The following ASIC2 variants were observed in gnomAD, a reference collection of about 807,000 sequenced individuals.
ASIC2 encodes the protein acid-sensing ion channel 2.
Under a neutral mutation model 57.3 loss-of-function variants are expected in ASIC2, and 25 were observed. The observed-to-expected ratio is 0.44, with a 90% CI of 0.32 to 0.61. The LOEUF is 0.61. ASIC2 is among the 20% of genes least tolerant of loss of function. The pLI is 0.06. For synonymous variants in ASIC2, 319 were observed against 307.5 expected (o/e 1.04, Z -0.39); for missense variants, 641 against 738.1 (o/e 0.87, Z 1.52).
intron 1 of ASIC2, among the ~76,000 whole-genome samples, chr17:33,612,974 T>A (rs1434589): frequency 0.068 from 10,398 of 152,230 alleles, 1,069 homozygotes; most frequent in African/African-American, 0.22. Context: ...AATGGGACCA[T>A]CTGAGCAGAC....
intron 1 of ASIC2, among the ~76,000 whole-genome samples, chr17:33,790,687 TAC>T (rs1373459110): frequency 1.3e-5 from 2 of 151,626 alleles, no homozygotes; most frequent in African/African-American, 2.4e-5. Flanking sequence ...ATCACACACA[TAC>T]ACACACACAC....
At chr17:34,088,835 C>T (rs988449416) in intron 1 of ASIC2, among the ~76,000 whole-genome samples, 13 of 152,206 alleles carry the variant, frequency 8.5e-5, no homozygotes, top group East Asian at 1.9e-4. Context: ...TAGGACCCTC[C>T]GAGCCACGTG....
chr17:34,080,727 C>T (rs746788808), intron 1 of ASIC2, among the ~76,000 whole-genome samples: 4 of 152,184 alleles, frequency 2.6e-5, no homozygotes, highest in African/African-American at 9.7e-5. Flanking sequence ...ACTTTGATCC[C>T]TTCAGTTTTC....
chr17:34,136,707 C>T (rs565996541), intron 1 of ASIC2, among the ~76,000 whole-genome samples: 2 of 152,320 alleles, frequency 1.3e-5, no homozygotes, highest in East Asian at 3.9e-4. Flanking sequence ...CAGGCAGTAC[C>T]TCAACCACCT....
At chr17:34,076,428 T>G (rs1322557402) in intron 1 of ASIC2, among the ~76,000 whole-genome samples, 1 of 152,156 alleles carries the variant, frequency 6.6e-6, no homozygotes, top group African/African-American at 2.4e-5. Flanking sequence ...CTCTACTGTT[T>G]TTCCTTTCTC....
At chr17:33,929,571 C>G (rs1263623150) in intron 1 of ASIC2, among the ~76,000 whole-genome samples, 1 of 152,216 alleles carries the variant, frequency 6.6e-6, no homozygotes, top group African/African-American at 2.4e-5. Context: ...ATCTCGTGGG[C>G]TCTGAGCAGA....
chr17:33,906,274 C>T (rs1244965042), intron 1 of ASIC2, among the ~76,000 whole-genome samples: 1 of 152,130 alleles, frequency 6.6e-6, no homozygotes, highest in Admixed American at 6.5e-5. Context: ...GGCTTGTATG[C>T]CAACCAGAAG....
chr17:33,798,935 C>T (rs1044634228), intron 1 of ASIC2, among the ~76,000 whole-genome samples: 2 of 152,164 alleles, frequency 1.3e-5, no homozygotes, highest in African/African-American at 2.4e-5. Context: ...AGCATACAAA[C>T]CACAGCAATT....
intron 1 of ASIC2, among the ~76,000 whole-genome samples, chr17:33,869,260 T>C (rs1473859710): frequency 6.6e-6 from 1 of 152,052 alleles, no homozygotes; most frequent in Non-Finnish European, 1.5e-5. Flanking sequence ...ACAAAGAATA[T>C]TAATTGTTGG....
intron 1 of ASIC2, among the ~76,000 whole-genome samples, chr17:34,026,839 A>G (rs1276403790): frequency 6.6e-6 from 1 of 152,212 alleles, no homozygotes; most frequent in Non-Finnish European, 1.5e-5. Context: ...ATTCAAACCC[A>G]CTTGGGAAAG....
At chr17:33,420,184 C>T (rs1016477992) in intron 1 of ASIC2, among the ~76,000 whole-genome samples, 1 of 152,132 alleles carries the variant, frequency 6.6e-6, no homozygotes, top group African/African-American at 2.4e-5. Context: ...TTCTCATTGC[C>T]CCAGATATTT....
At chr17:33,581,693 G>A (rs1904445911) in intron 1 of ASIC2, among the ~76,000 whole-genome samples, 1 of 152,306 alleles carries the variant, frequency 6.6e-6, no homozygotes. Flanking sequence ...CCCTTTATCT[G>A]GATGAAGAAT....
intron 1 of ASIC2, among the ~76,000 whole-genome samples, chr17:33,126,266 G>T (rs959530884): frequency 6.6e-6 from 1 of 152,214 alleles, no homozygotes; most frequent in African/African-American, 2.4e-5. Context: ...CAGTTCTATG[G>T]GGCCTGAGTC....
At chr17:33,497,722 G>A (rs1264900075) in intron 1 of ASIC2, among the ~76,000 whole-genome samples, 2 of 152,142 alleles carry the variant, frequency 1.3e-5, no homozygotes, top group South Asian at 2.1e-4. Context: ...CCTTACAATC[G>A]CCCTGAGGGA....
At chr17:33,487,243 G>C (rs1913603340) in intron 1 of ASIC2, among the ~76,000 whole-genome samples, 1 of 152,116 alleles carries the variant, frequency 6.6e-6, no homozygotes, top group Admixed American at 6.5e-5. Flanking sequence ...ATTCTGCTGG[G>C]CATCCCGAGT....
chr17:34,023,059 A>G (rs1418073674), intron 1 of ASIC2, among the ~76,000 whole-genome samples: 1 of 151,812 alleles, frequency 6.6e-6, no homozygotes, highest in Non-Finnish European at 1.5e-5. Context: ...TTCCCTGAGG[A>G]CTCATCCACC....
rs930415744 is a variant in ASIC2, at chr17:34,020,983, C to A, written c.555+134995G>T. Among the ~76,000 whole-genome samples, 4 of 152,066 alleles carry A rather than the reference C, an allele frequency of 2.6e-5. No homozygotes were observed. The South Asian group carries it at 8.3e-4, about 32-fold the overall frequency. Reference sequence around the variant, plus strand: ...ACCACTACCACCAAATTATTATCACCCAATACCATGACTGTCACTCCCACC... The same window carrying A: ...ACCACTACCACCAAATTATTATCACACAATACCATGACTGTCACTCCCACC... On this transcript the variant is annotated intron_variant, in intron 1 of 9. Transcript: ENST00000359872.
chr17:33,609,007 G>C (rs1235662993), intron 1 of ASIC2, among the ~76,000 whole-genome samples: 1 of 152,152 alleles, frequency 6.6e-6, no homozygotes, highest in African/African-American at 2.4e-5. Flanking sequence ...ATGGGGCAGT[G>C]GGTGTGAAGG....
intron 1 of ASIC2, among the ~76,000 whole-genome samples, chr17:33,338,599 G>A (rs1321380286): frequency 6.6e-6 from 1 of 152,222 alleles, no homozygotes; most frequent in Non-Finnish European, 1.5e-5. Flanking sequence ...ATTCTCAGCA[G>A]GAGGGAGAGC....
Sources: allele counts gnomAD v4.1 joint callset (sites outside exome capture counted in the v4.1 genomes callset), GRCh38; gene constraint gnomAD v4.1.1; transcripts MANE v1.5; gene names NCBI Gene and HGNC (gene_info 2026-07-23, HGNC 2026-07-21).